ELP6: variants seen among roughly 807,000 people sequenced by gnomAD.
The protein encoded by ELP6 is elongator complex protein 6.
ELP6 carries 23 observed loss-of-function variants against 28.1 expected under a neutral mutation model. The ratio of observed to expected loss-of-function variants is 0.82; its 90% CI spans 0.59 to 1.16. ELP6 has a LOEUF of 1.16. ELP6 is among the 50% of genes most tolerant of loss of function. The pLI is 0.00. For missense variants in ELP6, 313 were observed against 334.6 expected, an observed-to-expected ratio of 0.94 and a Z score of 0.50; for synonymous variants, 132 against 135.8, an observed-to-expected ratio of 0.97 and a Z score of 0.19.
At chr3:47,509,709 C>T (rs1708956282) in intron 3 of ELP6, among the ~76,000 whole-genome samples, 1 of 151,928 alleles carries the variant, frequency 6.6e-6, no homozygotes, top group Non-Finnish European at 1.5e-5. Flanking sequence ...TACGAAGTCT[C>T]GAATAAGACA....
chr3:47,507,520 G>A (rs1708875828), intron 3 of ELP6, among the ~76,000 whole-genome samples: 1 of 151,472 alleles, frequency 6.6e-6, no homozygotes, highest in Admixed American at 6.6e-5. Context: ...ATGGGGCTCG[G>A]CATGGTGCCT....
chr3:47,497,965 A>C, intron 6 of ELP6: 1 of 985,082 alleles, frequency 1.0e-6, no homozygotes, highest in Non-Finnish European at 1.2e-6. Flanking sequence ...TGAATAGACG[A>C]CGCCTGCTGC....
chr3:47,506,042 G>C (rs1039050243), intron 3 of ELP6, among the ~76,000 whole-genome samples: 12 of 152,192 alleles, frequency 7.9e-5, no homozygotes, highest in Non-Finnish European at 1.5e-4. Flanking sequence ...TAAAGGGACA[G>C]AGTACAAAAG....
In ELP6 at chr3:47,501,662, G is replaced by A; in HGVS notation, c.513C>T (p.Cys171=). The A allele has an allele frequency of 6.2e-7, 1 of 1,614,034 alleles. No homozygotes were observed. Among genetic ancestry groups the A allele is most frequent in the East Asian group, 2.2e-5 (1 of 44,884 alleles). The part of the protein sequence containing the change: ...DFIHYCRATV[C]WELKGNMVVL... ...GTTCCATGAGTACCTTTAGTTCCCA[G>A]CACACGGTGGCTCTGCAGTAGTGAA... is the stretch of plus-strand genomic sequence containing the variant. The change falls in exon 5 of 7, where the codon TGC becomes TGT. Residue 171 remains cysteine (C), a synonymous_variant. Coordinates refer to ENST00000296149, the MANE Select transcript of ELP6 (RefSeq NM_001031703.3).
At chr3:47,503,195 G>A (rs1204792694) in intron 4 of ELP6, 2 of 1,174,996 alleles carry the variant, frequency 1.7e-6, no homozygotes, top group South Asian at 1.7e-5. Context: ...TAAGGGATGT[G>A]TGTGAAGTCA....
chr3:47,499,648 G>A (rs1489850004), intron 5 of ELP6: 8 of 661,230 alleles, frequency 1.2e-5, no homozygotes, highest in African/African-American at 4.3e-5. Flanking sequence ...CACTGAGGTC[G>A]CACCACTGCA....
intron 6 of ELP6, chr3:47,497,282 T>C (rs1198687845): frequency 1.0e-6 from 1 of 985,170 alleles, no homozygotes; most frequent in African/African-American, 1.7e-5. Flanking sequence ...TTCTGGTGAG[T>C]GGCAGCAGTT....
In ELP6 at chr3:47,513,521, C is replaced by G. The variant is rs1259895059; in HGVS notation, c.54+16G>C. 6.2e-6 allele frequency: 10 copies of G among 1,611,040 alleles called. No individual in the cohort carries two copies. The highest frequency in any genetic ancestry group is 8.5e-6 in the Non-Finnish European group (10 of 1,178,876). ...CTGCCAGGTCCCGCCCCCTTCCGGC[C>G]AGCGGGACCTCTTACCTGCTCCGCC... On this transcript the variant is annotated intron_variant, in intron 1 of 6. Transcript: ENST00000296149.
In ELP6 at chr3:47,513,428, C is replaced by A. The variant is rs533745144; in HGVS notation, c.54+109G>T. The stretch of plus-strand genomic sequence containing the variant: ...TGCGGACTACAACTCCCAGGTACCC[C>A]GTGCCGGGTCGTCGCGCCATTCCCC... On this transcript the variant is annotated intron_variant, in intron 1 of 6. Transcript: ENST00000296149. 2.6e-6 allele frequency: 4 copies of A among 1,523,872 alleles called. No homozygotes were observed. In the African/African-American group the frequency reaches 4.2e-5, roughly 16 times the overall value. The allele number at this position is 1,523,872 out of a possible 1,614,324, so 94.4% of individuals were successfully genotyped here. A position where few individuals can be genotyped will look rare whatever the true frequency, so the allele number is the denominator to read the frequency against.
chr3:47,498,351 G>A lies in ELP6; in HGVS notation c.607C>T (p.Gln203Ter). The A allele has an allele frequency of 6.2e-7, 1 of 1,613,802 alleles. No homozygotes were observed. The highest frequency in any genetic ancestry group is 1.3e-5 in the African/African-American group (1 of 75,058). The change falls in exon 6 of 7, where the codon CAG becomes TAG. Residue 203 changes from glutamine to a stop codon, truncating the protein, a stop_gained. Transcript: ENST00000296149. LOFTEE classifies it high-confidence loss of function. The part of the protein sequence containing the change: ...NDILLNGLSH[Q>*]SHLILRAEGL... ...TCAGCCCGCAGTATCAGATGGCTCT[G>A]ATGACTGAGGCCATTCAGCAGGATG...
chr3:47,502,104 C>T (rs1419682913), intron 4 of ELP6, among the ~76,000 whole-genome samples: 1 of 152,064 alleles, frequency 6.6e-6, no homozygotes, highest in African/African-American at 2.4e-5. Context: ...CAGCTCCTAG[C>T]GCCCTTAAGA....
chr3:47,511,983 G>A, intron 1 of ELP6: 1 of 984,148 alleles, frequency 1.0e-6, no homozygotes, highest in Non-Finnish European at 1.2e-6. Context: ...GACCTTCAGT[G>A]TTACCCCTAG....
intron 4 of ELP6, chr3:47,502,353 T>C: frequency 1.1e-6 from 1 of 937,586 alleles, no homozygotes; most frequent in Non-Finnish European, 1.3e-6. Flanking sequence ...GAAGTTGCAG[T>C]GAGCCACGAC....
intron 3 of ELP6, among the ~76,000 whole-genome samples, chr3:47,507,415 G>A (rs1007674553): frequency 6.6e-6 from 1 of 151,100 alleles, no homozygotes; most frequent in African/African-American, 2.4e-5. Flanking sequence ...CCAGAATGAG[G>A]GCAGAACTCA....
chr3:47,502,567 G>C, intron 4 of ELP6: 1 of 985,008 alleles, frequency 1.0e-6, no homozygotes, highest in Non-Finnish European at 1.2e-6. Flanking sequence ...GGGCACAGTA[G>C]CTCACACCTG....
At chr3:47,511,018 GC>G (rs1288965079) in intron 2 of ELP6, 129 bp downstream of exon 2, 4 of 704,098 alleles carry the variant, frequency 5.7e-6, no homozygotes, top group South Asian at 1.8e-5. Flanking sequence ...TAATAAAATA[GC>G]CCCCCTAGGT....
intron 5 of ELP6, among the ~76,000 whole-genome samples, chr3:47,499,483 C>T: frequency 6.8e-6 from 1 of 147,290 alleles, no homozygotes; most frequent in East Asian, 2.0e-4. Context: ...CGTGCCACTG[C>T]ACTCCAGCCT....
In ELP6 at chr3:47,501,761, G is replaced by C. The variant is rs993246926; in HGVS notation, c.414C>G (p.Tyr138Ter). Residue 138 changes from tyrosine (Y) to a stop codon, truncating the protein, a stop_gained, in exon 5 of 7, where the codon TAC (tyrosine) becomes TAG (stop). Coordinates refer to ENST00000296149, the MANE Select transcript of ELP6 (RefSeq NM_001031703.3). LOFTEE classifies it high-confidence loss of function. ...PVDSGEARWTYPVLLVDDLSV... is the reference protein window; with the variant it reads ...PVDSGEARWT ...TGAGGTCGTCCACCAACAGCACCGG[G>C]TACGTCCACCGAGCCTCTCCACTGT... The C allele has an allele frequency of 6.2e-7, 1 of 1,607,242 alleles. No homozygotes were observed. Among genetic ancestry groups the C allele is most frequent in the Non-Finnish European group, 8.5e-7 (1 of 1,177,388 alleles).
At chr3:47,511,920 T>C in intron 1 of ELP6, 1 of 985,042 alleles carries the variant, frequency 1.0e-6, no homozygotes, top group Non-Finnish European at 1.2e-6. Flanking sequence ...ATGCCTTAAC[T>C]TCTCTGGGCT....
Sources: allele counts gnomAD v4.1 joint callset (sites outside exome capture counted in the v4.1 genomes callset), GRCh38; gene constraint gnomAD v4.1.1; transcripts MANE v1.5; gene names NCBI Gene and HGNC (gene_info 2026-07-23, HGNC 2026-07-21).